TUBA4B: variants seen among roughly 807,000 people sequenced by gnomAD.
TUBA4B encodes tubulin-like protein alpha-4B.
Under a neutral mutation model 18.4 loss-of-function variants are expected in TUBA4B, and 13 were observed. The observed-to-expected ratio is 0.71, with a 90% confidence interval of 0.46 to 1.12. The LOEUF is 1.12. Among genes scored for constraint, TUBA4B ranks in the 50% most tolerant of loss-of-function variants. TUBA4B has a pLI of 0.00. For synonymous variants in TUBA4B, 101 were observed against 99.1 expected (o/e 1.02, Z -0.11); for missense variants, 244 against 250.0 (o/e 0.98, Z 0.16).
chr2:219,266,675 A>G (rs1951792159), intron 2 of TUBA4B, 109 bp downstream of exon 2: 2 of 661,954 alleles, frequency 3.0e-6, no homozygotes, highest in Admixed American at 4.5e-5. Context: ...ATGGGGCTAC[A>G]GTATGTGGCG....
At chr2:219,257,996 T>G (rs1459338011) in intron 1 of TUBA4B, among the ~76,000 whole-genome samples, 1 of 145,246 alleles carries the variant, frequency 6.9e-6, no homozygotes, top group Non-Finnish European at 1.5e-5. Context: ...TTTTTTTTTT[T>G]TTTTTTTTTT....
At chr2:219,257,164 C>T (rs1951725856) in intron 1 of TUBA4B, among the ~76,000 whole-genome samples, 1 of 150,680 alleles carries the variant, frequency 6.6e-6, no homozygotes, top group Admixed American at 6.6e-5. Flanking sequence ...CTGCCTCAGC[C>T]TCCCGAGTAG....
intron 1 of TUBA4B, among the ~76,000 whole-genome samples, chr2:219,261,431 G>A (rs1034442406): frequency 3.3e-5 from 5 of 152,176 alleles, no homozygotes; most frequent in African/African-American, 1.2e-4. Context: ...TGGAGGGAGG[G>A]AGTTAAATGG....
intron 1 of TUBA4B, among the ~76,000 whole-genome samples, chr2:219,256,934 G>A (rs1374606916): frequency 2.0e-5 from 3 of 152,034 alleles, no homozygotes; most frequent in Non-Finnish European, 2.9e-5. Context: ...AAGAATATGG[G>A]CAGCCTCTAG....
Position 219,262,916 on chromosome 2 carries a change from C to CT in TUBA4B, c.13-3604dup, listed in dbSNP as rs1403536056. ...ATTAGCCAGGCATGGTGGCATGCGC[C>CT]TGTAATCCCAGCTACCTGGGAGGCT... On this transcript the variant is annotated intron_variant, in intron 1 of 3. Transcript: ENST00000490341. Among the ~76,000 whole-genome samples, 5 of 152,064 alleles carry CT rather than the reference C, an allele frequency of 3.3e-5. No homozygotes were observed. In the East Asian group the frequency reaches 9.7e-4, roughly 29 times the overall value.
chr2:219,271,802 A>G lies in TUBA4B; in HGVS notation c.*103A>G, dbSNP rs1348700847. On this transcript the variant is annotated 3_prime_UTR_variant, in exon 4 of 4. Coordinates refer to ENST00000490341, the MANE Select transcript of TUBA4B (RefSeq NM_001355221.1). ...GCTGCCATTGCTGCCATCAAGACCA[A>G]GTGCAGCATTCAGTTTGTGGACTGG... 16 of 1,603,998 alleles carry G rather than the reference A, an allele frequency of 1.0e-5. No individual in the cohort carries two copies. Among genetic ancestry groups the G allele is most frequent in the Admixed American group, 1.7e-5 (1 of 59,982 alleles).
chr2:219,256,520 C>T (rs1951721308), intron 1 of TUBA4B, among the ~76,000 whole-genome samples: 2 of 152,236 alleles, frequency 1.3e-5, no homozygotes, highest in Non-Finnish European at 2.9e-5. Flanking sequence ...ATAAAGATGT[C>T]CACATCCTCA....
At chr2:219,267,581 GT>G (rs1329718937) in intron 2 of TUBA4B, among the ~76,000 whole-genome samples, 54 of 142,486 alleles carry the variant, frequency 3.8e-4, no homozygotes, top group Middle Eastern at 3.7e-3. Flanking sequence ...TCTTTTTTTT[GT>G]TTTTTTTTTT....
chr2:219,260,702 G>A (rs533647004), intron 1 of TUBA4B, among the ~76,000 whole-genome samples: 3 of 152,298 alleles, frequency 2.0e-5, no homozygotes, highest in South Asian at 2.1e-4. Flanking sequence ...GGCCGGGCAC[G>A]GTGGCTCACG....
intron 1 of TUBA4B, among the ~76,000 whole-genome samples, chr2:219,261,702 G>T (rs1201042434): frequency 6.6e-6 from 1 of 152,164 alleles, no homozygotes; most frequent in African/African-American, 2.4e-5. Flanking sequence ...CTCTGAACCA[G>T]CTTCCTGCCT....
rs753133581 is a variant in TUBA4B, at chr2:219,271,655, C to T, written c.682C>T (p.Gln228Ter). ...GTATACCACGAGCAGCTGTTGGTGG[C>T]AGAGATTACCAATGCCTGCTTTGAG... ...KRYTTSSCWW[Q>*]RLPMPALSLP... Residue 228 changes from glutamine (Q) to a stop codon, truncating the protein, a stop_gained, in exon 4 of 4, where the codon CAG (glutamine) becomes TAG (stop). Transcript: ENST00000490341. LOFTEE classifies it high-confidence loss of function. 1.2e-6 allele frequency: 2 copies of T among 1,613,760 alleles called. No homozygotes were observed. The highest frequency in any genetic ancestry group is 4.5e-5 in the East Asian group (2 of 44,886).
At chr2:219,270,159 G>T (rs1203183130) in intron 2 of TUBA4B, 43 bp from the exon 3 acceptor site, 4 of 700,754 alleles carry the variant, frequency 5.7e-6, no homozygotes, top group South Asian at 4.5e-5. Context: ...GCAAAGGGAG[G>T]TGGGGCCCAA....
intron 3 of TUBA4B, 107 bp downstream of exon 3, chr2:219,270,442 A>C: frequency 1.5e-6 from 1 of 659,420 alleles, no homozygotes; most frequent in Admixed American, 2.1e-5. Flanking sequence ...TCTGGGAGAA[A>C]CACACAGGAT....
At chr2:219,258,993 C>A (rs1951741714) in intron 1 of TUBA4B, among the ~76,000 whole-genome samples, 1 of 151,862 alleles carries the variant, frequency 6.6e-6, no homozygotes, top group South Asian at 2.1e-4. Context: ...GAAGAAATGC[C>A]CAAGATGGCC....
chr2:219,259,355 A>G (rs1275984195), intron 1 of TUBA4B, among the ~76,000 whole-genome samples: 1 of 149,550 alleles, frequency 6.7e-6, no homozygotes, highest in Non-Finnish European at 1.5e-5. Flanking sequence ...TGCCCAAGGC[A>G]TGTTAGTGAA....
At chr2:219,270,511 C>T (rs1951818974) in intron 3 of TUBA4B, among the ~76,000 whole-genome samples, 176 bp downstream of exon 3, 1 of 151,986 alleles carries the variant, frequency 6.6e-6, no homozygotes, top group Non-Finnish European at 1.5e-5. Context: ...AGGTTCCAGC[C>T]TGGAGCTGGT....
chr2:219,253,386 T>TGCATACA lies in TUBA4B; in HGVS notation c.-21_-15dup, dbSNP rs1353238990. Reference sequence around the variant, plus strand: ...GGGGTGGTTCTGTGGATAGTTGGAATGCATACACAGAGGAAAGGGGGATGC... The same window carrying TGCATACA: ...GGGGTGGTTCTGTGGATAGTTGGAATGCATACAGCATACACAGAGGAAAGGGGGATGC... On this transcript the variant is annotated 5_prime_UTR_variant, in exon 1 of 4. Transcript: ENST00000490341. The TGCATACA allele has an allele frequency of 3.3e-6, 5 of 1,534,706 alleles. No individual in the cohort carries two copies. Among genetic ancestry groups the TGCATACA allele is most frequent in the Non-Finnish European group, 4.4e-6 (5 of 1,146,350 alleles).
chr2:219,267,940 A>G (rs1325957602), intron 2 of TUBA4B, among the ~76,000 whole-genome samples: 4 of 152,004 alleles, frequency 2.6e-5, no homozygotes, highest in Non-Finnish European at 4.4e-5. Flanking sequence ...GACACCTTGC[A>G]TGGGCTAGTA....
chr2:219,261,604 A>G (rs1951759623), intron 1 of TUBA4B, among the ~76,000 whole-genome samples: 1 of 152,156 alleles, frequency 6.6e-6, no homozygotes, highest in South Asian at 2.1e-4. Context: ...CACCACCTAC[A>G]CTAGTATGTC....
Sources: allele counts gnomAD v4.1 joint callset (sites outside exome capture counted in the v4.1 genomes callset), GRCh38; gene constraint gnomAD v4.1.1; transcripts MANE v1.5; gene names NCBI Gene and HGNC (gene_info 2026-07-23, HGNC 2026-07-21).